The following COMMD1 variants were observed in gnomAD, a reference collection of about 807,000 sequenced individuals.
COMMD1 encodes the protein COMM domain-containing protein 1.
COMMD1 carries 10 observed loss-of-function variants against 17.2 expected under a neutral mutation model. That is an observed-to-expected ratio of 0.58 (90% CI 0.36 to 0.99). The LOEUF (loss-of-function observed/expected upper bound fraction) is 0.99. Ranked by LOEUF, COMMD1 falls within the 50% of genes least tolerant of loss-of-function variation. COMMD1 has a pLI of 0.01. For missense variants in COMMD1, 270 were observed against 231.8 expected, an observed-to-expected ratio of 1.17 and a Z score of -1.07; for synonymous variants, 97 against 91.6, an observed-to-expected ratio of 1.06 and a Z score of -0.34.
chr2:61,890,642 A>C (rs1572934562), intron 1 of COMMD1, among the ~76,000 whole-genome samples: 1 of 151,848 alleles, frequency 6.6e-6, no homozygotes, highest in Non-Finnish European at 1.5e-5. Context: ...GGAGTTTAAG[A>C]CCAGCCTAGC....
Position 62,100,720 on chromosome 2 carries a change from T to C in COMMD1, c.463-35111T>C, listed in dbSNP as rs1485604093. Among the ~76,000 whole-genome samples the C allele has an allele frequency of 1.7e-4, 26 of 152,194 alleles. 1 individual carries two copies. Among genetic ancestry groups the C allele is most frequent in the Admixed American group, 1.3e-3 (20 of 15,290 alleles). On this transcript the variant is annotated intron_variant, in intron 2 of 2. Transcript: ENST00000311832. ...AGACCAAGGTTCTTTTGAAGTCTTA[T>C]AGTAGCTGCCCTCAGAGACAATAGA...
chr2:61,965,062 G>A (rs1671471575), intron 1 of COMMD1, among the ~76,000 whole-genome samples: 1 of 152,100 alleles, frequency 6.6e-6, no homozygotes, highest in Non-Finnish European at 1.5e-5. Flanking sequence ...AAAGAATTGA[G>A]GGATTGAGCA....
intron 1 of COMMD1, among the ~76,000 whole-genome samples, chr2:61,990,592 T>C (rs1315614238): frequency 3.3e-5 from 5 of 152,186 alleles, no homozygotes; most frequent in Non-Finnish European, 7.3e-5. Context: ...AGAGGTTTAT[T>C]TGACTTACAG....
At chr2:61,998,424 T>G (rs1668831273) in intron 1 of COMMD1, among the ~76,000 whole-genome samples, 2 of 152,104 alleles carry the variant, frequency 1.3e-5, no homozygotes, top group African/African-American at 4.8e-5. Flanking sequence ...TACGCCCAGC[T>G]AATTTTTGTA....
chr2:61,906,155 A>G (rs1432706295), intron 1 of COMMD1, among the ~76,000 whole-genome samples: 1 of 152,204 alleles, frequency 6.6e-6, no homozygotes, highest in Non-Finnish European at 1.5e-5. Flanking sequence ...TTTCCTCAGC[A>G]GATCTGTGGG....
intron 2 of COMMD1, among the ~76,000 whole-genome samples, chr2:62,028,078 G>T (rs945216436): frequency 5.3e-5 from 8 of 152,268 alleles, no homozygotes; most frequent in African/African-American, 1.9e-4. Flanking sequence ...CTTCACATTA[G>T]AATTGAAACT....
intron 1 of COMMD1, chr2:61,915,696 C>T (rs1357076821): frequency 6.6e-6 from 3 of 453,638 alleles, no homozygotes; most frequent in African/African-American, 6.0e-5. Flanking sequence ...AGAATCTCCC[C>T]ATATCGTCCA....
intron 2 of COMMD1, among the ~76,000 whole-genome samples, chr2:62,056,081 CACAG>C (rs1464597416): frequency 3.9e-5 from 6 of 152,208 alleles, no homozygotes; most frequent in African/African-American, 7.2e-5. Context: ...TCAGTATATG[CACAG>C]ACAGAGTGGC....
intron 1 of COMMD1, among the ~76,000 whole-genome samples, chr2:61,985,827 A>G (rs905594729): frequency 3.3e-5 from 5 of 152,074 alleles, no homozygotes; most frequent in Non-Finnish European, 7.4e-5. Context: ...TTATTGTACT[A>G]TGTCTTGAAA....
At chr2:62,017,792 C>T (rs952529992) in intron 2 of COMMD1, among the ~76,000 whole-genome samples, 4 of 152,070 alleles carry the variant, frequency 2.6e-5, no homozygotes, top group African/African-American at 9.7e-5. Context: ...AATACCAGCA[C>T]TTTGGGAGGC....
At chr2:61,911,828 C>T (rs908850931) in intron 1 of COMMD1, among the ~76,000 whole-genome samples, 9 of 152,344 alleles carry the variant, frequency 5.9e-5, no homozygotes, top group East Asian at 3.9e-4. Flanking sequence ...TTCAGTCCTT[C>T]TGCCCTAGGC....
intron 2 of COMMD1, among the ~76,000 whole-genome samples, chr2:62,065,043 C>T (rs1318097272): frequency 6.6e-6 from 1 of 152,072 alleles, no homozygotes; most frequent in African/African-American, 2.4e-5. Flanking sequence ...CGGCAAGCAC[C>T]TGTAATCCCA....
At chr2:61,909,671 A>G (rs1669856379) in intron 1 of COMMD1, among the ~76,000 whole-genome samples, 1 of 152,244 alleles carries the variant, frequency 6.6e-6, no homozygotes, top group Non-Finnish European at 1.5e-5. Context: ...TACATTTTTC[A>G]TATAAATGAC....
At chr2:61,937,903 T>G (rs1670643179) in intron 1 of COMMD1, among the ~76,000 whole-genome samples, 1 of 152,198 alleles carries the variant, frequency 6.6e-6, no homozygotes. Flanking sequence ...CCATCCTTGA[T>G]TTGGAGGGTC....
At chr2:61,923,100 G>A (rs1424066224) in intron 1 of COMMD1, among the ~76,000 whole-genome samples, 3 of 152,190 alleles carry the variant, frequency 2.0e-5, no homozygotes, top group African/African-American at 7.2e-5. Flanking sequence ...GGCATTTGGA[G>A]TATGAAGATT....
intron 1 of COMMD1, among the ~76,000 whole-genome samples, chr2:61,997,264 G>A (rs1668792602): frequency 6.6e-6 from 1 of 151,686 alleles, no homozygotes; most frequent in Non-Finnish European, 1.5e-5. Context: ...GTCTTGCCAT[G>A]TTGCCCAGAA....
At chr2:62,003,580 C>T (rs1256914562) in intron 2 of COMMD1, among the ~76,000 whole-genome samples, 2 of 147,276 alleles carry the variant, frequency 1.4e-5, no homozygotes, top group Non-Finnish European at 3.0e-5. Flanking sequence ...TTCTCTTAAC[C>T]ATTACGTTAT....
At chr2:61,945,938 G>A (rs1040372000) in intron 1 of COMMD1, among the ~76,000 whole-genome samples, 1 of 152,146 alleles carries the variant, frequency 6.6e-6, no homozygotes, top group Non-Finnish European at 1.5e-5. Context: ...GATTGTAAAT[G>A]TTTCTTATCA....
chr2:61,992,403 A>G (rs7605517), intron 1 of COMMD1, among the ~76,000 whole-genome samples: 16,483 of 152,186 alleles, frequency 0.11, 2,062 homozygotes, highest in African/African-American at 0.31. Flanking sequence ...TTTCCACACA[A>G]TGTCAGATGG....
Sources: allele counts gnomAD v4.1 joint callset (sites outside exome capture counted in the v4.1 genomes callset), GRCh38; gene constraint gnomAD v4.1.1; transcripts MANE v1.5; gene names NCBI Gene and HGNC (gene_info 2026-07-23, HGNC 2026-07-21).